CDS2: variants seen among roughly 807,000 people sequenced by gnomAD.
The protein encoded by CDS2 is phosphatidate cytidylyltransferase 2.
CDS2 carries 47 observed loss-of-function variants against 59.0 expected under a neutral mutation model. The ratio of observed to expected loss-of-function variants is 0.80; its 90% confidence interval spans 0.63 to 1.02. The LOEUF (loss-of-function observed/expected upper bound fraction) is 1.02, where lower values mean the gene tolerates loss of function less well. CDS2 is among the 50% of genes least tolerant of loss of function. CDS2 has a pLI of 0.00. For missense variants in CDS2, 356 were observed against 558.9 expected (o/e 0.64, Z 3.66); for synonymous variants, 207 against 206.4 (o/e 1.00, Z -0.02).
At chr20:5,168,611 G>T in intron 1 of CDS2, 1 of 518,648 alleles carries the variant, frequency 1.9e-6, no homozygotes, top group Non-Finnish European at 3.9e-6. Flanking sequence ...AGGTAGGAGG[G>T]TGGGCCCCTG....
At position 5,186,724 on chromosome 20, in the gene CDS2, G is replaced by T; in HGVS notation, c.866G>T (p.Cys289Phe). The T allele has an allele frequency of 1.2e-6, 2 of 1,614,082 alleles. No individual in the cohort carries two copies. Among genetic ancestry groups the T allele is most frequent in the Non-Finnish European group, 1.7e-6 (2 of 1,179,984 alleles). The change falls in exon 10 of 13, where the codon TGC becomes TTC. Residue 289 changes from cysteine to phenylalanine, a missense_variant. Cys to Phe is a radical substitution (Grantham distance 205). This residue lies in a region of CDS2 where 88 missense variants were observed against 103.6 expected (regional missense o/e 0.85). Transcript: ENST00000460006. ...ATGTCCGGGTACAGATGCTTTGTCT[G>T]CCCTGTGGAGTACAACAATGACACC... is the stretch of plus-strand genomic sequence containing the variant. ...YVMSGYRCFV[C>F]PVEYNNDTNS...
chr20:5,172,065 G>A (rs1343873129), intron 1 of CDS2, among the ~76,000 whole-genome samples: 1 of 152,220 alleles, frequency 6.6e-6, no homozygotes, highest in African/African-American at 2.4e-5. Flanking sequence ...AGAAAGAGCT[G>A]TCTCCCTGAG....
intron 6 of CDS2, 69 bp downstream of exon 6, chr20:5,182,514 C>T (rs1037509448): frequency 7.3e-7 from 1 of 1,368,006 alleles, no homozygotes; most frequent in East Asian, 2.3e-5. Context: ...ACTCAACAAG[C>T]CTTTCATGCT....
rs576119753 is a variant in CDS2, at chr20:5,195,609, T to A, written c.*5375T>A. ...GGCCAAGGGCTGTCTTCTGTGCACA[T>A]AGCTCAGGAGCCTGCAGCAGTTCCC... On this transcript the variant is annotated 3_prime_UTR_variant, in exon 13 of 13. Coordinates refer to ENST00000460006, the MANE Select transcript of CDS2 (RefSeq NM_003818.4). 6.6e-6 allele frequency: 1 copy of A among 152,456 alleles called. No homozygotes were observed. The highest frequency in any genetic ancestry group is 6.5e-5 in the Admixed American group (1 of 15,288). The allele number at this position is 152,456 out of a possible 1,614,324, so 9.4% of individuals were successfully genotyped here. A position where few individuals can be genotyped will look rare whatever the true frequency, so the allele number is the denominator to read the frequency against.
At chr20:5,162,896 T>G (rs1409264116) in intron 1 of CDS2, among the ~76,000 whole-genome samples, 1 of 152,174 alleles carries the variant, frequency 6.6e-6, no homozygotes, top group Non-Finnish European at 1.5e-5. Context: ...TGCCAAGATA[T>G]ATGATAAGAT....
chr20:5,149,569 T>C (rs1410310199), intron 1 of CDS2, among the ~76,000 whole-genome samples: 2 of 152,082 alleles, frequency 1.3e-5, no homozygotes, highest in African/African-American at 2.4e-5. Flanking sequence ...TTAATTTATA[T>C]GTTTAGTTTA....
chr20:5,138,859 G>T (rs28813461), intron 1 of CDS2, among the ~76,000 whole-genome samples: 1 of 151,936 alleles, frequency 6.6e-6, no homozygotes, highest in African/African-American at 2.4e-5. Flanking sequence ...TAAAATGACC[G>T]TACTACCTAA....
intron 7 of CDS2, among the ~76,000 whole-genome samples, chr20:5,183,693 C>T (rs913779066): frequency 2.6e-4 from 39 of 152,278 alleles, no homozygotes; most frequent in African/African-American, 9.1e-4. Context: ...CCCATTTCTG[C>T]TACGATTATA....
intron 1 of CDS2, among the ~76,000 whole-genome samples, chr20:5,135,355 T>C (rs537083151): frequency 6.6e-6 from 1 of 152,360 alleles, no homozygotes; most frequent in South Asian, 2.1e-4. Flanking sequence ...GAGATTCCTC[T>C]CCACAGTTTG....
At chr20:5,163,461 C>G (rs1186642321) in intron 1 of CDS2, among the ~76,000 whole-genome samples, 2 of 152,010 alleles carry the variant, frequency 1.3e-5, no homozygotes, top group Non-Finnish European at 2.9e-5. Flanking sequence ...GGGTTTCTCC[C>G]TGTTGGTCAG....
rs535508884 is a variant in CDS2 at position 5,162,004 on chromosome 20, A to G, written c.58-11519A>G. Among the ~76,000 whole-genome samples the G allele has an allele frequency of 3.3e-5, 5 of 152,308 alleles. No individual in the cohort carries two copies. The East Asian group carries it at 5.8e-4, about 18-fold the overall frequency. ...CTACTCCAAAACAGTCAAGGTGCAC[A>G]TTGCCTTAGGCTGGGGTAAATGCCT... On this transcript the variant is annotated intron_variant, in intron 1 of 12. Transcript: ENST00000460006.
chr20:5,157,104 G>A (rs2090839747), intron 1 of CDS2, among the ~76,000 whole-genome samples: 1 of 152,182 alleles, frequency 6.6e-6, no homozygotes, highest in East Asian at 1.9e-4. Flanking sequence ...AGGGATCTGG[G>A]TGGGAGGGGG....
chr20:5,185,288 GGTAGCAT>G, intron 8 of CDS2, among the ~76,000 whole-genome samples: 1 of 152,176 alleles, frequency 6.6e-6, no homozygotes, highest in African/African-American at 2.4e-5. Flanking sequence ...CAGGCATGGT[GGTAGCAT>G]GCACCTGTAG....
intron 7 of CDS2, among the ~76,000 whole-genome samples, chr20:5,183,728 T>A (rs2091047483): frequency 6.6e-6 from 1 of 152,200 alleles, no homozygotes; most frequent in Non-Finnish European, 1.5e-5. Context: ...AATAAAATAC[T>A]AGCAAATAGA....
chr20:5,137,766 C>T (rs1013465830), intron 1 of CDS2, among the ~76,000 whole-genome samples: 2 of 151,626 alleles, frequency 1.3e-5, no homozygotes, highest in African/African-American at 4.8e-5. Flanking sequence ...GTGTAGCCCA[C>T]TGCACTACCA....
chr20:5,144,690 A>G (rs761681834), intron 1 of CDS2, among the ~76,000 whole-genome samples: 2 of 152,206 alleles, frequency 1.3e-5, no homozygotes, highest in African/African-American at 2.4e-5. Flanking sequence ...AAATTTTGAG[A>G]CAAAATGTAC....
chr20:5,144,969 T>C (rs2090727754), intron 1 of CDS2, among the ~76,000 whole-genome samples: 1 of 152,140 alleles, frequency 6.6e-6, no homozygotes, highest in South Asian at 2.1e-4. Context: ...GTAGTCTCCT[T>C]CTTAGGTCTA....
chr20:5,168,407 T>TCTG (rs1251833834), intron 1 of CDS2, among the ~76,000 whole-genome samples: 1 of 131,324 alleles, frequency 7.6e-6, no homozygotes, highest in African/African-American at 3.0e-5. Context: ...AGAGCAAGAC[T>TCTG]CTGTCCCCCC....
Position 5,183,111 on chromosome 20 carries a change from T to C in CDS2, c.639T>C (p.Leu213=). 6.2e-7 allele frequency: 1 copy of C among 1,614,172 alleles called. No homozygotes were observed. Among genetic ancestry groups the C allele is most frequent in the Non-Finnish European group, 8.5e-7 (1 of 1,179,996 alleles). ...TGATTGTTGTAACACAGTCACATCT[T>C]GTTATCCACAACCTATTTGAAGGAA... ...TLLIVVTQSH[L]VIHNLFEGMI... Residue 213 remains leucine (L), a synonymous_variant, in exon 7 of 13, where the codon CTT becomes CTC. Transcript: ENST00000460006.
Sources: allele counts gnomAD v4.1 joint callset (sites outside exome capture counted in the v4.1 genomes callset), GRCh38; gene constraint gnomAD v4.1.1; regional missense constraint gnomAD v4.1.1; transcripts MANE v1.5; gene names NCBI Gene and HGNC (gene_info 2026-07-23, HGNC 2026-07-21).